Variants in HIVEP3 observed in about 807,000 individuals in gnomAD.
The protein encoded by HIVEP3 is HIVEP zinc finger 3.
In HIVEP3, 49 loss-of-function variants were observed where a neutral mutation model predicts 152.8. The observed-to-expected ratio is 0.32, with a 90% CI of 0.26 to 0.41. The LOEUF (loss-of-function observed/expected upper bound fraction) is 0.41, where lower values mean the gene tolerates loss of function less well. Ranked by LOEUF, HIVEP3 falls within the 10% of genes least tolerant of loss-of-function variation. The pLI is 1.00. For synonymous variants in HIVEP3, 1,269 were observed against 1,289.0 expected (o/e 0.98, Z 0.33); for missense variants, 2,790 against 3,103.3 (o/e 0.90, Z 2.40).
chr1:41,948,539 C>CA (rs34603380), intron 1 of HIVEP3, among the ~76,000 whole-genome samples: 84,344 of 151,658 alleles, frequency 0.56, 23,604 homozygotes, highest in East Asian at 0.71. Flanking sequence ...ATATTGAAGC[C>CA]AAAGAGCCGC....
intron 1 of HIVEP3, among the ~76,000 whole-genome samples, chr1:41,886,202 C>G (rs1324247050): frequency 6.6e-6 from 1 of 152,068 alleles, no homozygotes; most frequent in Non-Finnish European, 1.5e-5. Context: ...GTTTTGGGAT[C>G]CAGCATAAGG....
chr1:41,530,287 G>A (rs1358883750), intron 5 of HIVEP3, among the ~76,000 whole-genome samples: 3 of 152,216 alleles, frequency 2.0e-5, no homozygotes, highest in Non-Finnish European at 4.4e-5. Context: ...AGGCCGTGGC[G>A]GCGGTACGCA....
rs1049287961 is a variant in HIVEP3 at position 41,991,455 on chromosome 1, T to C, written n.119+44352A>G. On this transcript the variant is annotated intron_variant and non_coding_transcript_variant, in intron 1 of 3. Transcript: ENST00000489103. ...CTCCCAAGACTAAACCAGCAAGAAG[T>C]TGAATCTCTGAATAGACCAATAACA... Among the ~76,000 whole-genome samples the C allele has an allele frequency of 1.5e-3, 226 of 151,436 alleles. 1 individual carries two copies. Among genetic ancestry groups the C allele is most frequent in the African/African-American group, 5.3e-3 (217 of 41,198 alleles).
chr1:42,010,541 C>T (rs1378137984), intron 1 of HIVEP3, among the ~76,000 whole-genome samples: 1 of 152,162 alleles, frequency 6.6e-6, no homozygotes, highest in Non-Finnish European at 1.5e-5. Flanking sequence ...GGAACTCCAC[C>T]ACCTTCAAAG....
At chr1:42,014,756 C>G (rs941761160) in intron 1 of HIVEP3, among the ~76,000 whole-genome samples, 1 of 152,170 alleles carries the variant, frequency 6.6e-6, no homozygotes, top group Non-Finnish European at 1.5e-5. Flanking sequence ...ATTACTTAAC[C>G]AACCCTTGAA....
At chr1:41,733,278 T>C (rs994335755) in intron 1 of HIVEP3, among the ~76,000 whole-genome samples, 1 of 152,122 alleles carries the variant, frequency 6.6e-6, no homozygotes, top group Admixed American at 6.5e-5. Flanking sequence ...AGGGATGGGA[T>C]GTCCTTGGAT....
chr1:41,526,937 C>T (rs1184167291), intron 5 of HIVEP3, among the ~76,000 whole-genome samples: 1 of 139,202 alleles, frequency 7.2e-6, no homozygotes, highest in Non-Finnish European at 1.6e-5. Context: ...ACATGCTCAC[C>T]CTCACACATG....
chr1:41,831,415 A>G (rs537252623), intron 1 of HIVEP3, among the ~76,000 whole-genome samples: 1 of 152,334 alleles, frequency 6.6e-6, no homozygotes, highest in South Asian at 2.1e-4. Context: ...ATAATTTTAC[A>G]TGGTTATTCA....
In HIVEP3 at chr1:41,581,110, T is replaced by C. The variant is rs774445253; in HGVS notation, c.3688A>G (p.Thr1230Ala). The change falls in exon 4 of 9, where the codon ACC becomes GCC. Residue 1230 changes from threonine (T) to alanine (A), a missense_variant. By Grantham distance (58) the Thr-to-Ala change is moderately conservative (BLOSUM62 0). Around this residue, in one of 9 missense-constraint regions of HIVEP3, gnomAD observed 1,078 missense variants for 1,165.3 expected, o/e 0.93. Coordinates refer to ENST00000372583, the MANE Select transcript of HIVEP3 (RefSeq NM_024503.5). The surrounding 1 kb of genome is among the most constrained non-coding windows in gnomAD (Gnocchi z 4.5). ...AACCCAGAAGACAGTGCTGAGGAGG[T>C]CGGGTATGGCATGGGGAGGAAGGAA... ...PPSFLPMPYP[T>A]SSALSSGFFL... 3.9e-6 allele frequency: 6 copies of C among 1,554,602 alleles called. No homozygotes were observed. Among genetic ancestry groups the C allele is most frequent in the Non-Finnish European group, 5.2e-6 (6 of 1,149,772 alleles).
At chr1:41,724,141 G>C (rs1026160153) in intron 1 of HIVEP3, among the ~76,000 whole-genome samples, 1 of 152,158 alleles carries the variant, frequency 6.6e-6, no homozygotes, top group Non-Finnish European at 1.5e-5. Flanking sequence ...AGTGTCTTGG[G>C]GTGGACTCTG....
At chr1:41,650,566 T>G (rs114499260) in intron 2 of HIVEP3, among the ~76,000 whole-genome samples, 75,608 of 141,654 alleles carry the variant, frequency 0.53, 19,502 homozygotes, top group East Asian at 0.83. Context: ...TTTCTGGGTT[T>G]TTTTTTTTTT....
chr1:41,581,624 C>G lies in HIVEP3; in HGVS notation c.3174G>C (p.Glu1058Asp), dbSNP rs748251544. 6.2e-7 allele frequency: 1 copy of G among 1,614,184 alleles called. No individual in the cohort carries two copies. Among genetic ancestry groups the G allele is most frequent in the East Asian group, 2.2e-5 (1 of 44,890 alleles). The part of the protein sequence containing the change: ...QASLSRPPES[E>D]LEVAPKGRQE... The stretch of plus-strand genomic sequence containing the variant: ...GTCTTCCCTTGGGGGCAACCTCCAA[C>G]TCAGATTCTGGAGGCCTGCTCAGAG... The change falls in exon 4 of 9, where the codon GAG becomes GAC. Residue 1058 changes from glutamate (E) to aspartate (D), a missense_variant. Glu to Asp is a conservative substitution (Grantham distance 45). Around this residue, in one of 9 missense-constraint regions of HIVEP3, gnomAD observed 1,078 missense variants for 1,165.3 expected, o/e 0.93. Coordinates refer to ENST00000372583, the MANE Select transcript of HIVEP3 (RefSeq NM_024503.5). This position sits in a 1 kb window ranked among gnomAD's most constrained non-coding sequence, Gnocchi z 4.5.
chr1:41,869,755 C>T (rs1486928150), intron 1 of HIVEP3: 1 of 151,976 alleles, frequency 6.6e-6, no homozygotes, highest in African/African-American at 2.4e-5. Context: ...AGCATATGTC[C>T]CAACTCATTA....
chr1:41,943,707 A>G (rs1645059422), intron 1 of HIVEP3, among the ~76,000 whole-genome samples: 1 of 152,250 alleles, frequency 6.6e-6, no homozygotes. Context: ...TTATTACCAG[A>G]ACATAAATTA....
chr1:41,898,058 C>A (rs1187632784), intron 1 of HIVEP3, among the ~76,000 whole-genome samples: 1 of 151,684 alleles, frequency 6.6e-6, no homozygotes, highest in Non-Finnish European at 1.5e-5. Flanking sequence ...CCACTGGCAT[C>A]ATTTTGCTCT....
intron 2 of HIVEP3, among the ~76,000 whole-genome samples, chr1:41,656,919 C>T (rs762053055): frequency 1.3e-5 from 2 of 152,196 alleles, no homozygotes; most frequent in Non-Finnish European, 2.9e-5. Context: ...GCCTGTTGGG[C>T]TGGGTCCCTA....
At chr1:42,021,122 T>C (rs1481717810) in intron 1 of HIVEP3, among the ~76,000 whole-genome samples, 1 of 152,162 alleles carries the variant, frequency 6.6e-6, no homozygotes, top group African/African-American at 2.4e-5. Context: ...CTGACTTGTG[T>C]TTGAAAAGAC....
At chr1:41,938,527 G>C (rs1321159920) in intron 1 of HIVEP3, among the ~76,000 whole-genome samples, 4 of 152,164 alleles carry the variant, frequency 2.6e-5, no homozygotes, top group African/African-American at 9.7e-5. Context: ...GATGAATGTT[G>C]ATTAATGCCA....
intron 2 of HIVEP3, among the ~76,000 whole-genome samples, chr1:41,650,868 G>C (rs1170081827): frequency 6.6e-6 from 1 of 152,102 alleles, no homozygotes; most frequent in Non-Finnish European, 1.5e-5. Context: ...TTTTGAAATG[G>C]CCACAAAGTA....
Sources: gnomAD v4.1 joint callset for allele counts (sites outside exome capture counted in the v4.1 genomes callset) on GRCh38, gnomAD v4.1.1 for gene constraint, gnomAD v4.1.1 regional missense constraint, Gnocchi (gnomAD v3.1) non-coding constraint, MANE v1.5 for transcripts, NCBI Gene and HGNC (gene_info 2026-07-23, HGNC 2026-07-21) for gene names.